Variants in ZNF783 observed in about 807,000 individuals in gnomAD.
The protein encoded by ZNF783 is zinc finger protein 783.
Under a neutral mutation model 31.3 loss-of-function variants are expected in ZNF783, and 25 were observed. The observed-to-expected ratio is 0.80, with a 90% CI of 0.58 to 1.11. The LOEUF (loss-of-function observed/expected upper bound fraction) is 1.11. Among genes scored for constraint, ZNF783 ranks in the 50% most tolerant of loss-of-function variants. The probability of loss-of-function intolerance (pLI) is 0.00; values close to 1 mark genes in which losing one functional copy is unlikely to be tolerated. For missense variants in ZNF783, 797 were observed against 760.0 expected (o/e 1.05, Z -0.57); for synonymous variants, 369 against 319.1 (o/e 1.16, Z -1.66).
In ZNF783 at chr7:149,278,403, C is replaced by G. The variant is rs752570760; in HGVS notation, c.678C>G (p.Leu226=). ...TCACTGATTTACATTCTCCAGGCCT[C>G]CCTCCGTATCCAGAGCACCTCACCA... The part of the protein sequence containing the change: ...VGRPRMMGTG[L]PPYPEHLTSP... Residue 226 remains leucine (L), a synonymous_variant, in exon 5 of 6, where the codon CTC becomes CTG. Transcript: ENST00000434415. 1.3e-6 allele frequency: 2 copies of G among 1,599,172 alleles called. No individual in the cohort carries two copies. The highest frequency in any genetic ancestry group is 2.7e-5 in the African/African-American group (2 of 74,836).
At chr7:149,275,131 T>C (rs1454867774) in intron 4 of ZNF783, among the ~76,000 whole-genome samples, 3 of 152,174 alleles carry the variant, frequency 2.0e-5, no homozygotes, top group Admixed American at 2.0e-4. Context: ...TTAAGTTTTT[T>C]CCTAGGTATT....
At chr7:149,263,103 A>C (rs973653213) in intron 1 of ZNF783, among the ~76,000 whole-genome samples, 12 of 150,130 alleles carry the variant, frequency 8.0e-5, no homozygotes, top group Non-Finnish European at 1.5e-4. Flanking sequence ...TAATTTTTCT[A>C]TTTTTGGTAG....
At chr7:149,277,928 G>A in intron 4 of ZNF783, 1 of 189,798 alleles carries the variant, frequency 5.3e-6, no homozygotes, top group Non-Finnish European at 1.1e-5. Context: ...GCGTAGGGAT[G>A]GAGTTATCTT....
At chr7:149,264,839 C>G (rs1260304480) in intron 1 of ZNF783, among the ~76,000 whole-genome samples, 1 of 148,922 alleles carries the variant, frequency 6.7e-6, no homozygotes, top group East Asian at 2.0e-4. Context: ...CGCCACTGTA[C>G]CCCAGCCTGG....
At position 149,266,883 on chromosome 7, in the gene ZNF783, AC is replaced by A. The variant is rs1797086917; in HGVS notation, c.486del (p.Trp163GlyfsTer9). 1 of 1,614,052 alleles carries A rather than the reference AC, an allele frequency of 6.2e-7. No homozygotes were observed. Among genetic ancestry groups the A allele is most frequent in the Non-Finnish European group, 8.5e-7 (1 of 1,179,996 alleles). ...FSELEWGKLE[D>X]WQKELYKHVM... ...GAGCTGGAGTGGGGCAAGCTGGAGGACTGGCAGAAGGAGCTCTACAAGCACG... is the reference window on the plus strand; with the variant it reads ...GAGCTGGAGTGGGGCAAGCTGGAGGATGGCAGAAGGAGCTCTACAAGCACG... On this transcript the variant is annotated frameshift_variant, in exon 3 of 6. Transcript: ENST00000434415. LOFTEE classifies it high-confidence loss of function.
At chr7:149,281,186 G>T (rs995471525) in intron 5 of ZNF783, among the ~76,000 whole-genome samples, 3 of 152,216 alleles carry the variant, frequency 2.0e-5, no homozygotes, top group African/African-American at 7.2e-5. Context: ...TGTGCCCAGG[G>T]TCTCTGCTTC....
At chr7:149,269,429 T>C (rs927729556) in intron 4 of ZNF783, among the ~76,000 whole-genome samples, 1 of 152,370 alleles carries the variant, frequency 6.6e-6, no homozygotes, top group East Asian at 1.9e-4. Context: ...TTTAATTAGG[T>C]CCCACTTGTC....
intron 4 of ZNF783, among the ~76,000 whole-genome samples, chr7:149,272,316 A>G (rs1447085122): frequency 2.6e-5 from 4 of 152,166 alleles, no homozygotes; most frequent in African/African-American, 7.2e-5. Context: ...CCTAGCCCCA[A>G]TGTATCTTTG....
At chr7:149,263,300 GTGTGTATATATATA>G (rs1265931393) in intron 1 of ZNF783, among the ~76,000 whole-genome samples, 1 of 74,282 alleles carries the variant, frequency 1.3e-5, no homozygotes, top group African/African-American at 5.0e-5. Context: ...GTGTGTGTGT[GTGTGTATATATATA>G]TATATATATA....
intron 1 of ZNF783, among the ~76,000 whole-genome samples, chr7:149,263,294 GTGTGTGTGTGTATA>G (rs1473058022): frequency 6.8e-5 from 5 of 73,804 alleles, no homozygotes; most frequent in African/African-American, 2.0e-4. Flanking sequence ...GTGTGTGTGT[GTGTGTGTGTGTATA>G]TATATATATA....
chr7:149,262,371 G>T lies in ZNF783; in HGVS notation c.24+14G>T. 3.1e-6 allele frequency: 4 copies of T among 1,279,680 alleles called. No individual in the cohort carries two copies. The South Asian group carries it at 9.3e-5, about 30-fold the overall frequency. The allele number at this position is 1,279,680 out of a possible 1,614,324, so 79.3% of individuals were successfully genotyped here. ...GCGCCTGCCCGGGTAAGCGCCCTCG[G>T]CCCCGCGGACGCCCGGAAGGCCCAG... is the stretch of plus-strand genomic sequence containing the variant. On this transcript the variant is annotated intron_variant, in intron 1 of 5. Coordinates refer to ENST00000434415, the MANE Select transcript of ZNF783 (RefSeq NM_001195220.2).
intron 5 of ZNF783, among the ~76,000 whole-genome samples, chr7:149,279,641 T>TG (rs1797414903): frequency 6.8e-6 from 1 of 147,596 alleles, no homozygotes; most frequent in South Asian, 2.2e-4. Flanking sequence ...TGTTTTTTTT[T>TG]TTTTTTTTTT....
chr7:149,267,888 T>C (rs1262733197), intron 4 of ZNF783, among the ~76,000 whole-genome samples: 3 of 152,164 alleles, frequency 2.0e-5, no homozygotes, highest in African/African-American at 4.8e-5. Flanking sequence ...CCGCTATTGC[T>C]TGTGTCCCCT....
At chr7:149,278,298 C>G in intron 4 of ZNF783, 101 bp from the exon 5 acceptor site, 1 of 1,535,430 alleles carries the variant, frequency 6.5e-7, no homozygotes, top group Non-Finnish European at 8.7e-7. Flanking sequence ...GGAGCTGAGG[C>G]CCCAGGATCG....
rs752097753 is a variant in ZNF783 at position 149,278,641 on chromosome 7, G to A, written c.802+114G>A. The A allele has an allele frequency of 1.7e-5, 25 of 1,506,412 alleles. 1 individual carries two copies. Among genetic ancestry groups the A allele is most frequent in the Non-Finnish European group, 2.0e-5 (23 of 1,124,954 alleles). The allele number at this position is 1,506,412 out of a possible 1,614,324, so 93.3% of individuals were successfully genotyped here. A position where few individuals can be genotyped will look rare whatever the true frequency, so the allele number is the denominator to read the frequency against. On this transcript the variant is annotated intron_variant, in intron 5 of 5. Coordinates refer to ENST00000434415, the MANE Select transcript of ZNF783 (RefSeq NM_001195220.2). ...AGCATGGGGCTGGGAGAGAGGGCTG[G>A]GAGACTGGTTGGGCTGGGCCGGACA...
intron 4 of ZNF783, chr7:149,276,486 C>T (rs906012183): frequency 2.0e-6 from 2 of 985,498 alleles, no homozygotes; most frequent in Non-Finnish European, 2.4e-6. Context: ...TATAACTCTC[C>T]CGTACGTAAA....
In ZNF783 at chr7:149,281,986, G is replaced by A; in HGVS notation, c.1284G>A (p.Arg428=). 1 of 1,575,100 alleles carries A rather than the reference G, an allele frequency of 6.3e-7. No homozygotes were observed. Among genetic ancestry groups the A allele is most frequent in the Non-Finnish European group, 8.6e-7 (1 of 1,168,756 alleles). The change falls in exon 6 of 6, where the codon CGG becomes CGA. Residue 428 remains arginine, a synonymous_variant. Transcript: ENST00000434415. The part of the protein sequence containing the change: ...SVAGGRALVG[R]RPAASKMYHC... Reference sequence around the variant, plus strand: ...CAGGGGGCCGTGCCTTGGTGGGGCGGCGGCCTGCAGCCAGCAAGATGTACC... The same window carrying A: ...CAGGGGGCCGTGCCTTGGTGGGGCGACGGCCTGCAGCCAGCAAGATGTACC...
chr7:149,262,528 C>A (rs1485274189), intron 1 of ZNF783, among the ~76,000 whole-genome samples, 171 bp downstream of exon 1: 1 of 152,216 alleles, frequency 6.6e-6, no homozygotes, highest in African/African-American at 2.4e-5. Context: ...ATTGACCGGG[C>A]GGCCCAAATG....
At chr7:149,281,326 G>T (rs755713312) in intron 5 of ZNF783, among the ~76,000 whole-genome samples, 179 bp from the exon 6 acceptor site, 1 of 152,234 alleles carries the variant, frequency 6.6e-6, no homozygotes, top group South Asian at 2.1e-4. Context: ...TCAGGACTGA[G>T]TGACCGTGCA....
Sources: gnomAD v4.1 joint callset for allele counts (sites outside exome capture counted in the v4.1 genomes callset) on GRCh38, gnomAD v4.1.1 for gene constraint, MANE v1.5 for transcripts, NCBI Gene and HGNC (gene_info 2026-07-23, HGNC 2026-07-21) for gene names.